GDA: variants seen among roughly 807,000 people sequenced by gnomAD.
GDA encodes the protein cytoplasmic PSD-95 interactor.
A neutral mutation model predicts 59.6 loss-of-function variants in GDA; 18 were observed. The ratio of observed to expected loss-of-function variants is 0.30; its 90% confidence interval spans 0.21 to 0.45. The LOEUF is 0.45. Ranked by LOEUF, GDA falls within the 20% of genes least tolerant of loss-of-function variation. The pLI is 1.00. For synonymous variants in GDA, 201 were observed against 201.1 expected (o/e 1.00, Z 0.00); for missense variants, 427 against 552.3 (o/e 0.77, Z 2.27).
intron 1 of GDA, among the ~76,000 whole-genome samples, chr9:72,143,850 C>T (rs557754198): frequency 3.9e-5 from 6 of 152,104 alleles, no homozygotes; most frequent in African/African-American, 7.2e-5. Flanking sequence ...TAGTGAGATA[C>T]GGTATTTTTA....
intron 1 of GDA, among the ~76,000 whole-genome samples, chr9:72,118,162 C>T (rs1246934964): frequency 6.7e-6 from 1 of 148,280 alleles, no homozygotes; most frequent in Non-Finnish European, 1.5e-5. Context: ...GTCCCAGCTA[C>T]TCGGGAGGCT....
chr9:72,250,878 C>T lies in GDA; in HGVS notation c.*2536C>T, dbSNP rs1437173086. The T allele has an allele frequency of 5.7e-6, 9 of 1,579,668 alleles. No individual in the cohort carries two copies. Among genetic ancestry groups the T allele is most frequent in the South Asian group, 2.2e-5 (2 of 89,726 alleles). On this transcript the variant is annotated 3_prime_UTR_variant, in exon 14 of 14. Transcript: ENST00000358399. ...TCAAAAGTATCGATTATCATAAATT[C>T]ACAAAATATTTTTGCAACCAGAACA...
chr9:72,169,819 A>G (rs1829746846), intron 1 of GDA, among the ~76,000 whole-genome samples: 1 of 152,226 alleles, frequency 6.6e-6, no homozygotes, highest in African/African-American at 2.4e-5. Context: ...TTGGTTTTCC[A>G]GGGGAACTGG....
intron 1 of GDA, among the ~76,000 whole-genome samples, chr9:72,187,773 A>G (rs1832038240): frequency 6.6e-6 from 1 of 152,206 alleles, no homozygotes; most frequent in South Asian, 2.1e-4. Flanking sequence ...GAACTTCTTA[A>G]AGATTACCTA....
chr9:72,229,432 C>T (rs969680801), intron 9 of GDA, among the ~76,000 whole-genome samples: 2 of 152,002 alleles, frequency 1.3e-5, no homozygotes, highest in Admixed American at 6.6e-5. Context: ...CAGTGAAGAT[C>T]GTATCATCAC....
intron 1 of GDA, among the ~76,000 whole-genome samples, chr9:72,160,863 G>A (rs139085785): frequency 1.3e-5 from 2 of 151,816 alleles, no homozygotes; most frequent in Admixed American, 1.3e-4. Flanking sequence ...CCTTCCATTC[G>A]CTGGATGGAT....
At chr9:72,157,125 C>A (rs1021808642) in intron 1 of GDA, among the ~76,000 whole-genome samples, 1 of 150,156 alleles carries the variant, frequency 6.7e-6, no homozygotes, top group Non-Finnish European at 1.5e-5. Flanking sequence ...CTGCAACATC[C>A]GCCTCCTGGG....
intron 1 of GDA, among the ~76,000 whole-genome samples, chr9:72,115,903 T>C (rs1202308802): frequency 6.6e-6 from 1 of 152,214 alleles, no homozygotes; most frequent in Non-Finnish European, 1.5e-5. Flanking sequence ...ACTATTTTCA[T>C]ATGCCAAGGT....
Position 72,137,790 on chromosome 9 carries a change from T to C in GDA, c.-100+22957T>C, listed in dbSNP as rs565751515. 1.6e-4 allele frequency among the ~76,000 whole-genome samples: 24 copies of C among 152,060 alleles called. 1 individual carries two copies. The South Asian group carries it at 2.9e-3, about 18-fold the overall frequency. On this transcript the variant is annotated intron_variant, in intron 1 of 13. Transcript: ENST00000545168. ...TAACCCACCCCCCCACCTTCAACTG[T>C]TACAACCAAAATTATTTTCAGACAT...
At chr9:72,127,788 A>G (rs747392153) in intron 1 of GDA, among the ~76,000 whole-genome samples, 1 of 152,210 alleles carries the variant, frequency 6.6e-6, no homozygotes, top group Non-Finnish European at 1.5e-5. Flanking sequence ...GAAATAATGC[A>G]TGAGACTGGG....
chr9:72,156,369 G>A (rs1437224212), intron 1 of GDA, among the ~76,000 whole-genome samples: 1 of 152,190 alleles, frequency 6.6e-6, no homozygotes, highest in Non-Finnish European at 1.5e-5. Flanking sequence ...AGTTCTCTCA[G>A]TCTAAATCAC....
In GDA at chr9:72,205,372, C is replaced by T. The variant is rs1259362577; in HGVS notation, c.384+2630C>T. ...TTTCTCAGGGGTCTCCCTGTCCTGT[C>T]CCTTTACTGTAATTAGGGCACTTCC... On this transcript the variant is annotated intron_variant, in intron 3 of 13. Coordinates refer to ENST00000358399, the MANE Select transcript of GDA (RefSeq NM_004293.5). 4.6e-5 allele frequency among the ~76,000 whole-genome samples: 7 copies of T among 152,208 alleles called. No individual in the cohort carries two copies. The South Asian group carries it at 6.2e-4, about 14-fold the overall frequency.
chr9:72,227,849 A>C (rs767827772), intron 8 of GDA, 94 bp from the exon 9 acceptor site: 7 of 690,422 alleles, frequency 1.0e-5, no homozygotes, highest in African/African-American at 1.8e-5. Flanking sequence ...CAGCCAAGCT[A>C]CAGCTTCGGT....
At chr9:72,169,590 G>A (rs1447729450) in intron 1 of GDA, among the ~76,000 whole-genome samples, 1 of 152,156 alleles carries the variant, frequency 6.6e-6, no homozygotes, top group Non-Finnish European at 1.5e-5. Context: ...TATAAATTTT[G>A]TAAGTAGGCT....
chr9:72,222,971 G>C (rs1397865831), intron 6 of GDA, 149 bp from the exon 7 acceptor site: 3 of 492,790 alleles, frequency 6.1e-6, no homozygotes, highest in Non-Finnish European at 1.1e-5. Flanking sequence ...GCCTCTCAAA[G>C]TGCTGGGATT....
At chr9:72,192,739 G>A (rs1034933726) in intron 1 of GDA, among the ~76,000 whole-genome samples, 16 of 151,636 alleles carry the variant, frequency 1.1e-4, no homozygotes, top group Non-Finnish European at 2.4e-4. Context: ...AATTAGCTGG[G>A]TGTGGTGGTG....
Position 72,125,319 on chromosome 9 carries a change from A to AGTCC in GDA, c.-100+10486_-100+10487insGTCC. ...CCTTTCTTCCTTCCTTCCTTCCTTT[A>AGTCC]CTCCCTCCCTCCCTCCCTCCCTTCC... On this transcript the variant is annotated intron_variant, in intron 1 of 13. Coordinates refer to the GDA transcript ENST00000545168. Among the ~76,000 whole-genome samples, 3 of 127,498 alleles carry AGTCC rather than the reference A, an allele frequency of 2.4e-5. 1 individual carries two copies. The South Asian group carries it at 7.6e-4, about 32-fold the overall frequency. The allele number at this position is 127,498 out of a possible 152,430, so 83.6% of individuals were successfully genotyped here. A position where few individuals can be genotyped will look rare whatever the true frequency, so the allele number is the denominator to read the frequency against.
chr9:72,158,717 G>T (rs1380173692), intron 1 of GDA, among the ~76,000 whole-genome samples: 1 of 151,976 alleles, frequency 6.6e-6, no homozygotes, highest in Non-Finnish European at 1.5e-5. Context: ...ATTATACTTA[G>T]CTTTATAGAA....
intron 10 of GDA, among the ~76,000 whole-genome samples, chr9:72,233,875 A>G (rs1838656284): frequency 6.6e-6 from 1 of 152,130 alleles, no homozygotes; most frequent in Admixed American, 6.5e-5. Context: ...TTGGGAGGTC[A>G]AGGCTGCAGT....
Sources: allele counts gnomAD v4.1 joint callset (sites outside exome capture counted in the v4.1 genomes callset), GRCh38; gene constraint gnomAD v4.1.1; transcripts MANE v1.5; gene names NCBI Gene and HGNC (gene_info 2026-07-23, HGNC 2026-07-21).